The following HSDL1 variants were observed in gnomAD, a reference collection of about 807,000 sequenced individuals.
HSDL1 encodes the protein inactive hydroxysteroid dehydrogenase-like protein 1.
In HSDL1, 29 loss-of-function variants were observed where a neutral mutation model predicts 31.5. The ratio of observed to expected loss-of-function variants is 0.92; its 90% CI spans 0.69 to 1.26. The LOEUF (loss-of-function observed/expected upper bound fraction) is 1.26, where lower values mean the gene tolerates loss of function less well. Among genes scored for constraint, HSDL1 ranks in the 50% most tolerant of loss-of-function variants. The pLI is 0.00. For missense variants in HSDL1, 503 were observed against 416.6 expected (o/e 1.21, Z -1.81); for synonymous variants, 222 against 155.2 (o/e 1.43, Z -3.20).
At chr16:84,139,796 C>A (rs1361697077) in intron 1 of HSDL1, among the ~76,000 whole-genome samples, 2 of 152,204 alleles carry the variant, frequency 1.3e-5, no homozygotes, top group Admixed American at 6.5e-5. Context: ...CCATCTTTGA[C>A]TGACCAGGGT....
intron 1 of HSDL1, among the ~76,000 whole-genome samples, chr16:84,144,644 A>G (rs887448960): frequency 6.6e-6 from 1 of 152,014 alleles, no homozygotes; most frequent in East Asian, 1.9e-4. Flanking sequence ...CCGACAAAGG[A>G]GGCGATTGCT....
intron 1 of HSDL1, chr16:84,144,428 G>A (rs1045333186): frequency 2.6e-5 from 4 of 152,256 alleles, no homozygotes; most frequent in African/African-American, 9.7e-5. Flanking sequence ...CCGGTTTCTG[G>A]GGCTGCGTCT....
chr16:84,123,472 G>A lies in HSDL1; in HGVS notation c.*1158C>T, dbSNP rs1385492797. The A allele has an allele frequency of 6.6e-6, 1 of 152,162 alleles. No homozygotes were observed. The highest frequency in any genetic ancestry group is 1.5e-5 in the Non-Finnish European group (1 of 68,040). 9.4% of individuals were successfully genotyped at this position (152,162 alleles called of 1,614,324 possible). A position where few individuals can be genotyped will look rare whatever the true frequency, so the allele number is the denominator to read the frequency against. On this transcript the variant is annotated 3_prime_UTR_variant, in exon 6 of 6. Transcript: ENST00000219439. ...GACCCAAACTAAGGACATTTCACAG[G>A]TTTCAATGTTAACGCGTATTGTGAG...
intron 5 of HSDL1, among the ~76,000 whole-genome samples, chr16:84,127,373 G>A (rs118164161): frequency 6.6e-6 from 1 of 151,530 alleles, no homozygotes; most frequent in Non-Finnish European, 1.5e-5. Flanking sequence ...GCACCACCAT[G>A]ACCAGTTAAT....
intron 1 of HSDL1, among the ~76,000 whole-genome samples, chr16:84,139,962 T>G (rs527679808): frequency 8.5e-5 from 13 of 152,308 alleles, no homozygotes; most frequent in African/African-American, 3.1e-4. Flanking sequence ...CCAAATCCTC[T>G]GTTCTTCCTG....
intron 1 of HSDL1, among the ~76,000 whole-genome samples, chr16:84,138,353 A>G (rs993288805): frequency 1.3e-5 from 2 of 152,236 alleles, no homozygotes; most frequent in South Asian, 2.1e-4. Context: ...AAAGGGGTAT[A>G]AACTTTCAAA....
At chr16:84,141,288 C>G (rs2151192613) in intron 1 of HSDL1, among the ~76,000 whole-genome samples, 1 of 152,028 alleles carries the variant, frequency 6.6e-6, no homozygotes, top group East Asian at 1.9e-4. Context: ...CACTGCAGTT[C>G]ACAGGTCCCC....
Position 84,145,173 on chromosome 16 carries a change from C to G in HSDL1, c.-162G>C. The G allele has an allele frequency of 3.7e-6, 1 of 270,044 alleles. No individual in the cohort carries two copies. The highest frequency in any genetic ancestry group is 7.4e-5 in the East Asian group (1 of 13,424). The allele number at this position is 270,044 out of a possible 1,614,324, so 16.7% of individuals were successfully genotyped here. ...GCCGGAGCTGCTGCCGCGCCGCGCC[C>G]TCACGTGACCCGCGTACGCGCCGGG... On this transcript the variant is annotated 5_prime_UTR_variant, in exon 1 of 6. Coordinates refer to ENST00000219439, the MANE Select transcript of HSDL1 (RefSeq NM_031463.5).
In HSDL1 at chr16:84,124,672, G is replaced by T; in HGVS notation, c.951C>A (p.Leu317=). 1.2e-6 allele frequency: 2 copies of T among 1,613,912 alleles called. No homozygotes were observed. The highest frequency in any genetic ancestry group is 1.7e-6 in the Non-Finnish European group (2 of 1,179,800). ...AGGCTTCCTTACGTAGTGAACGGTT[G>T]AGAATATTTGCTCCCCACACCCAGA... ...EWLWVWGANI[L]NRSLRKEALS... is the part of the protein sequence containing the mutation. The change falls in exon 6 of 6, where the codon CTC becomes CTA. Residue 317 remains leucine, a synonymous_variant. Coordinates refer to ENST00000219439, the MANE Select transcript of HSDL1 (RefSeq NM_031463.5).
chr16:84,141,485 G>A (rs529992104), intron 1 of HSDL1, among the ~76,000 whole-genome samples: 1 of 152,352 alleles, frequency 6.6e-6, no homozygotes, highest in South Asian at 2.1e-4. Flanking sequence ...AGTGCTGCAG[G>A]GAGCGCTTGT....
chr16:84,145,146 C>T lies in HSDL1; in HGVS notation c.-135G>A. Reference sequence around the variant, plus strand: ...CGCGCGGCCGCCGCCCCCGTCTCGGCCGCCGGAGCTGCTGCCGCGCCGCGC... The same window carrying T: ...CGCGCGGCCGCCGCCCCCGTCTCGGTCGCCGGAGCTGCTGCCGCGCCGCGC... On this transcript the variant is annotated 5_prime_UTR_variant, in exon 1 of 6. Coordinates refer to ENST00000219439, the MANE Select transcript of HSDL1 (RefSeq NM_031463.5). 4.7e-6 allele frequency: 1 copy of T among 210,742 alleles called. No homozygotes were observed. Among genetic ancestry groups the T allele is most frequent in the Non-Finnish European group, 9.2e-6 (1 of 108,186 alleles). 13.1% of individuals were successfully genotyped at this position (210,742 alleles called of 1,614,324 possible). A position where few individuals can be genotyped will look rare whatever the true frequency, so the allele number is the denominator to read the frequency against.
chr16:84,136,527 C>T (rs367948280), intron 1 of HSDL1, among the ~76,000 whole-genome samples: 1 of 152,228 alleles, frequency 6.6e-6, no homozygotes, highest in Admixed American at 6.5e-5. Flanking sequence ...AGCTCAGGAG[C>T]GGACCACCCA....
chr16:84,138,985 G>C (rs1013285254), intron 1 of HSDL1, among the ~76,000 whole-genome samples: 7 of 152,222 alleles, frequency 4.6e-5, no homozygotes, highest in South Asian at 4.1e-4. Context: ...CATGTACCAA[G>C]AGTTCTGGGA....
chr16:84,140,648 CTACT>C (rs1333720104), intron 1 of HSDL1, among the ~76,000 whole-genome samples: 1 of 152,198 alleles, frequency 6.6e-6, no homozygotes, highest in African/African-American at 2.4e-5. Flanking sequence ...AGCCACCAGC[CTACT>C]TAACAAAACC....
At chr16:84,144,837 C>A (rs1404824837) in intron 1 of HSDL1, among the ~76,000 whole-genome samples, 4 of 102,236 alleles carry the variant, frequency 3.9e-5, no homozygotes, top group Non-Finnish European at 8.1e-5. Context: ...TGTGAAGGGG[C>A]GGGGCTGGGG....
At chr16:84,141,299 CT>C (rs1275691042) in intron 1 of HSDL1, among the ~76,000 whole-genome samples, 1 of 151,832 alleles carries the variant, frequency 6.6e-6, no homozygotes, top group Non-Finnish European at 1.5e-5. Flanking sequence ...ACAGGTCCCC[CT>C]GCTGCTGGTT....
intron 5 of HSDL1, chr16:84,125,228 T>TAAAC (rs2086594523): frequency 7.7e-6 from 1 of 129,274 alleles, no homozygotes; most frequent in African/African-American, 3.2e-5. Context: ...TCACAACAAA[T>TAAAC]ACCCACCAAT....
In HSDL1 at chr16:84,129,550, G is replaced by C; in HGVS notation, c.892C>G (p.Gln298Glu). The change falls in exon 5 of 6, where the codon CAG becomes GAG. Residue 298 changes from glutamine to glutamate, a missense_variant and splice_region_variant. Physicochemically the swap from Gln to Glu is conservative, Grantham distance 29. Coordinates refer to ENST00000219439, the MANE Select transcript of HSDL1 (RefSeq NM_031463.5). Reference sequence around the variant, plus strand: ...TGAGACCTGAAGCACACTCCTACCTGAATAGAATGGGACCAATATCCTGTG... The same window carrying C: ...TGAGACCTGAAGCACACTCCTACCTCAATAGAATGGGACCAATATCCTGTG... The part of the protein sequence containing the change: ...RTTGYWSHSI[Q>E]FLFAQYMPEW... 1.2e-6 allele frequency: 2 copies of C among 1,607,798 alleles called. No individual in the cohort carries two copies. Among genetic ancestry groups the C allele is most frequent in the Non-Finnish European group, 8.5e-7 (1 of 1,174,182 alleles).
At chr16:84,136,717 C>T (rs1597378231) in intron 1 of HSDL1, among the ~76,000 whole-genome samples, 2 of 152,262 alleles carry the variant, frequency 1.3e-5, no homozygotes, top group East Asian at 3.8e-4. Context: ...CACCCCTCAC[C>T]TCTTGTCAGG....
Sources: allele counts gnomAD v4.1 joint callset (sites outside exome capture counted in the v4.1 genomes callset), GRCh38; gene constraint gnomAD v4.1.1; transcripts MANE v1.5; gene names NCBI Gene and HGNC (gene_info 2026-07-23, HGNC 2026-07-21).